The following CALN1 variants were observed in gnomAD, a reference collection of about 807,000 sequenced individuals.
The protein encoded by CALN1 is calcium-binding protein 8.
A neutral mutation model predicts 30.6 loss-of-function variants in CALN1; 17 were observed. The observed-to-expected ratio is 0.56, with a 90% CI of 0.38 to 0.83. The LOEUF is 0.83. Ranked by LOEUF, CALN1 falls within the 40% of genes least tolerant of loss-of-function variation. The pLI is 0.00. For synonymous variants in CALN1, 156 were observed against 131.4 expected, an observed-to-expected ratio of 1.19 and a Z score of -1.28; for missense variants, 291 against 354.9, an observed-to-expected ratio of 0.82 and a Z score of 1.45.
chr7:71,967,110 A>T (rs927597335), intron 5 of CALN1, among the ~76,000 whole-genome samples: 1 of 152,208 alleles, frequency 6.6e-6, no homozygotes, highest in African/African-American at 2.4e-5. Context: ...AAATGGAAAC[A>T]ACTTAAATAT....
intron 5 of CALN1, among the ~76,000 whole-genome samples, chr7:71,930,920 G>A (rs1206108720): frequency 6.6e-6 from 1 of 152,094 alleles, no homozygotes; most frequent in African/African-American, 2.4e-5. Flanking sequence ...TAATTTAGAT[G>A]TCCCTTTTGG....
intron 4 of CALN1, among the ~76,000 whole-genome samples, chr7:72,071,794 A>G (rs927859914): frequency 3.9e-5 from 6 of 152,240 alleles, no homozygotes; most frequent in Non-Finnish European, 7.3e-5. Flanking sequence ...CTGTCTTTCA[A>G]AAAGACCTAC....
intron 4 of CALN1, among the ~76,000 whole-genome samples, chr7:72,062,126 A>C (rs1358236034): frequency 2.0e-5 from 3 of 152,226 alleles, no homozygotes; most frequent in African/African-American, 7.2e-5. Flanking sequence ...TGCAGTCAAA[A>C]TGAAGACATT....
At chr7:72,477,787 T>C in the CALN1 span, among the ~76,000 whole-genome samples, 3 of 152,226 alleles carry the variant, frequency 2.0e-5, no homozygotes, top group Non-Finnish European at 4.4e-5. Flanking sequence ...CTCGAACTCC[T>C]AGCCTCAAGG....
At chr7:72,255,090 C>T (rs937954139) in intron 3 of CALN1, among the ~76,000 whole-genome samples, 5 of 151,300 alleles carry the variant, frequency 3.3e-5, no homozygotes, top group African/African-American at 9.7e-5. Flanking sequence ...CATGCCCGGC[C>T]TTTCTTTTCT....
intron 4 of CALN1, among the ~76,000 whole-genome samples, chr7:72,086,604 G>C (rs1805498993): frequency 6.6e-6 from 1 of 151,864 alleles, no homozygotes; most frequent in South Asian, 2.1e-4. Flanking sequence ...TGGCTACATT[G>C]TATTTTTTTG....
intron 2 of CALN1, among the ~76,000 whole-genome samples, chr7:72,340,335 A>C (rs1294278672): frequency 6.6e-6 from 1 of 151,678 alleles, no homozygotes; most frequent in Non-Finnish European, 1.5e-5. Flanking sequence ...CACCTTCCAA[A>C]GTATTGGGAT....
chr7:72,415,922 G>T (rs945050420), upstream of CALN1, among the ~76,000 whole-genome samples: 2 of 152,196 alleles, frequency 1.3e-5, no homozygotes, highest in Non-Finnish European at 2.9e-5. Flanking sequence ...CAGGGACCAG[G>T]ATCCCACATC....
intron 2 of CALN1, among the ~76,000 whole-genome samples, chr7:72,385,345 T>C (rs1805150183): frequency 6.6e-6 from 1 of 152,142 alleles, no homozygotes; most frequent in Admixed American, 6.6e-5. Flanking sequence ...AAAATCTACA[T>C]GCAAATGTTT....
the CALN1 span, among the ~76,000 whole-genome samples, chr7:72,454,624 A>T: frequency 1.3e-5 from 2 of 152,210 alleles, no homozygotes; most frequent in African/African-American, 4.8e-5. Context: ...GTATTCCTTC[A>T]CTACAGGAAG....
At chr7:72,332,445 G>A (rs1437823938) in intron 2 of CALN1, among the ~76,000 whole-genome samples, 3 of 152,020 alleles carry the variant, frequency 2.0e-5, no homozygotes, top group Non-Finnish European at 2.9e-5. Flanking sequence ...CTTATGGAGA[G>A]CTGCTTCCAC....
chr7:71,797,292 A>C (rs1386799885), intron 6 of CALN1, among the ~76,000 whole-genome samples: 1 of 152,168 alleles, frequency 6.6e-6, no homozygotes, highest in African/African-American at 2.4e-5. Context: ...AAACAGTAGC[A>C]GTCTCAACTC....
At chr7:71,809,537 T>G (rs1787819334) in intron 6 of CALN1, among the ~76,000 whole-genome samples, 2 of 150,696 alleles carry the variant, frequency 1.3e-5, no homozygotes, top group South Asian at 4.2e-4. Context: ...AACAGAAAAG[T>G]TGCTGATAGC....
intron 4 of CALN1, among the ~76,000 whole-genome samples, chr7:72,046,033 C>A (rs551131054): frequency 6.7e-6 from 1 of 149,918 alleles, no homozygotes; most frequent in Non-Finnish European, 1.5e-5. Flanking sequence ...AGAACTAAGG[C>A]CAGGTGCAGG....
intron 5 of CALN1, among the ~76,000 whole-genome samples, chr7:71,868,358 A>G (rs1791711202): frequency 1.3e-5 from 2 of 148,690 alleles, no homozygotes; most frequent in South Asian, 4.2e-4. Flanking sequence ...AGAGGGGAGG[A>G]AGTGCTACAC....
At chr7:72,182,366 C>A (rs1195416137) in intron 3 of CALN1, among the ~76,000 whole-genome samples, 1 of 151,930 alleles carries the variant, frequency 6.6e-6, no homozygotes, top group African/African-American at 2.4e-5. Context: ...TAGAGATGAG[C>A]ATGTGGTTGA....
At chr7:72,400,028 G>A (rs1362913987) in intron 2 of CALN1, among the ~76,000 whole-genome samples, 2 of 152,176 alleles carry the variant, frequency 1.3e-5, no homozygotes, top group African/African-American at 2.4e-5. Flanking sequence ...CTCAGCAGAA[G>A]CAGATTAGGC....
At chr7:71,809,724 T>TA (rs1196836804) in intron 6 of CALN1, among the ~76,000 whole-genome samples, 10 of 151,128 alleles carry the variant, frequency 6.6e-5, no homozygotes, top group Middle Eastern at 3.4e-3. Flanking sequence ...CTTTCATGAA[T>TA]AAAAAAAAAT....
intron 3 of CALN1, among the ~76,000 whole-genome samples, chr7:72,137,046 G>C (rs1428651043): frequency 6.6e-6 from 1 of 152,176 alleles, no homozygotes; most frequent in Non-Finnish European, 1.5e-5. Flanking sequence ...GGGGCTTCTG[G>C]CCAAGTTAGG....
Sources: gnomAD v4.1 joint callset for allele counts (sites outside exome capture counted in the v4.1 genomes callset) on GRCh38, gnomAD v4.1.1 for gene constraint, MANE v1.5 for transcripts, NCBI Gene and HGNC (gene_info 2026-07-23, HGNC 2026-07-21) for gene names.